The following ADGRV1 variants were observed in gnomAD, a reference collection of about 807,000 sequenced individuals.
The protein encoded by ADGRV1 is adhesion G protein-coupled receptor V1.
Under a neutral mutation model 596.2 loss-of-function variants are expected in ADGRV1, and 359 were observed. The observed-to-expected ratio is 0.60, with a 90% CI of 0.55 to 0.66. ADGRV1 has a LOEUF of 0.66. Ranked by LOEUF, ADGRV1 falls within the 30% of genes least tolerant of loss-of-function variation. The probability of loss-of-function intolerance (pLI) is 0.00; values close to 1 mark genes in which losing one functional copy is unlikely to be tolerated. For missense variants in ADGRV1, 7,274 were observed against 7,575.6 expected (o/e 0.96, Z 1.48); for synonymous variants, 2,681 against 2,679.2 (o/e 1.00, Z -0.02).
At chr5:91,029,123 T>C (rs972851403) in intron 85 of ADGRV1, among the ~76,000 whole-genome samples, 4 of 152,212 alleles carry the variant, frequency 2.6e-5, no homozygotes, top group African/African-American at 7.2e-5. Context: ...CTTCATATTA[T>C]GAAAGTTGGT....
chr5:90,947,477 A>AT (rs755599909), intron 83 of ADGRV1, among the ~76,000 whole-genome samples: 33 of 152,008 alleles, frequency 2.2e-4, no homozygotes, highest in South Asian at 4.1e-4. Context: ...TTTTGTTCTA[A>AT]TTTTTTTATG....
chr5:90,671,003 A>G (rs901306048), intron 21 of ADGRV1, among the ~76,000 whole-genome samples: 2 of 152,230 alleles, frequency 1.3e-5, no homozygotes, highest in Non-Finnish European at 2.9e-5. Flanking sequence ...ACGTAGTGAT[A>G]GGACTGATTC....
intron 85 of ADGRV1, among the ~76,000 whole-genome samples, chr5:91,016,913 G>A (rs1254327190): frequency 2.0e-5 from 3 of 151,892 alleles, no homozygotes; most frequent in Non-Finnish European, 4.4e-5. Context: ...AGGGAACAGA[G>A]AAACAGAGAA....
chr5:90,573,043 G>A (rs1561309308), intron 1 of ADGRV1, among the ~76,000 whole-genome samples: 1 of 152,154 alleles, frequency 6.6e-6, no homozygotes, highest in Non-Finnish European at 1.5e-5. Flanking sequence ...ATCTCTCCGT[G>A]TATAGATCTA....
At chr5:90,566,413 T>G (rs1305380131) in intron 1 of ADGRV1, among the ~76,000 whole-genome samples, 1 of 152,110 alleles carries the variant, frequency 6.6e-6, no homozygotes, top group Non-Finnish European at 1.5e-5. Flanking sequence ...AAATCATTCT[T>G]TTTTCATTGA....
In ADGRV1 at chr5:90,726,347, C is replaced by T. The variant is rs1234922830; in HGVS notation, c.10161+691C>T. 2.0e-5 allele frequency among the ~76,000 whole-genome samples: 3 copies of T among 152,160 alleles called. No homozygotes were observed. In the East Asian group the frequency reaches 5.8e-4, roughly 29 times the overall value. On this transcript the variant is annotated intron_variant, in intron 48 of 89. Coordinates refer to ENST00000405460, the MANE Select transcript of ADGRV1 (RefSeq NM_032119.4). ...TCTCTATTTGGTTACTACAATCAGC[C>T]TAAATGTTCTAGCTTCACCCAGCTT...
intron 71 of ADGRV1, 146 bp downstream of exon 71, chr5:90,803,028 C>A: frequency 3.7e-6 from 2 of 540,556 alleles, no homozygotes; most frequent in Admixed American, 3.8e-5. Flanking sequence ...GTAGATGTAA[C>A]AGATATATTA....
At chr5:90,917,665 C>T (rs1420429287) in intron 83 of ADGRV1, among the ~76,000 whole-genome samples, 1 of 152,104 alleles carries the variant, frequency 6.6e-6, no homozygotes, top group Non-Finnish European at 1.5e-5. Flanking sequence ...AACTTCTTTC[C>T]TTAAAAGAAT....
At chr5:90,997,460 C>A (rs545807682) in intron 85 of ADGRV1, among the ~76,000 whole-genome samples, 9 of 152,236 alleles carry the variant, frequency 5.9e-5, no homozygotes, top group Non-Finnish European at 1.0e-4. Flanking sequence ...GAGGCCTCCC[C>A]AGCCATGTTT....
At chr5:90,690,480 A>G (rs1213750693) in intron 30 of ADGRV1, among the ~76,000 whole-genome samples, 1 of 152,206 alleles carries the variant, frequency 6.6e-6, no homozygotes, top group Non-Finnish European at 1.5e-5. Flanking sequence ...CATGGGAACC[A>G]AATAGCAACT....
chr5:90,791,095 G>A lies in ADGRV1; in HGVS notation c.14266G>A (p.Ala4756Thr). 6.2e-7 allele frequency: 1 copy of A among 1,613,958 alleles called. No homozygotes were observed. The change falls in exon 70 of 90, where the codon GCA (alanine) becomes ACA (threonine). Residue 4756 changes from alanine (A) to threonine (T), a missense_variant. Ala to Thr is a moderately conservative substitution (Grantham distance 58). Coordinates refer to ENST00000405460, the MANE Select transcript of ADGRV1 (RefSeq NM_032119.4). ...EKSITWFSVY[A>T]NDDPHGVFAL... ...GAGTATCACATGGTTCTCTGTTTAT[G>A]CAAATGATGACCCACATGGAGTATT...
chr5:90,890,611 A>G (rs1281094041), intron 83 of ADGRV1, among the ~76,000 whole-genome samples: 2 of 152,136 alleles, frequency 1.3e-5, no homozygotes, highest in African/African-American at 4.8e-5. Flanking sequence ...AAGAAACACT[A>G]TACAAGTGTT....
chr5:91,099,841 A>G (rs1265576869), intron 86 of ADGRV1, among the ~76,000 whole-genome samples: 2 of 152,140 alleles, frequency 1.3e-5, no homozygotes, highest in Non-Finnish European at 2.9e-5. Context: ...ATATATAGAG[A>G]TAGATAGAGT....
At position 90,627,307 on chromosome 5, in the gene ADGRV1, A is replaced by C. The variant is rs1348623760; in HGVS notation, c.769A>C (p.Lys257Gln). The change falls in exon 7 of 90, where the codon AAG becomes CAG. Residue 257 changes from lysine (K) to glutamine (Q), a missense_variant. Around this residue, in one of 5 missense-constraint regions of ADGRV1, gnomAD observed 1,715 missense variants for 1,708.8 expected, o/e 1.00. Coordinates refer to ENST00000405460, the MANE Select transcript of ADGRV1 (RefSeq NM_032119.4). ...TSRNSIEIIIKKNDSPVRFLQ... is the reference protein window; with the variant it reads ...TSRNSIEIIIQKNDSPVRFLQ... ...TAGGAATTCCATTGAGATCATCATT[A>C]AGAAAAATGATAGTCCCGTGAGATT... is the stretch of plus-strand genomic sequence containing the variant. 1 of 1,611,760 alleles carries C rather than the reference A, an allele frequency of 6.2e-7. No homozygotes were observed. Among genetic ancestry groups the C allele is most frequent in the East Asian group, 2.2e-5 (1 of 44,850 alleles).
chr5:90,800,058 G>A lies in ADGRV1; in HGVS notation c.14518-2681G>A, dbSNP rs190246481. On this transcript the variant is annotated intron_variant, in intron 70 of 89. Transcript: ENST00000405460. ...CTGAAACACCAAAAGCAATGGCAAC[G>A]GAAGCCAAAATTGACCAATGGGATC... Among the ~76,000 whole-genome samples the A allele has an allele frequency of 9.9e-5, 15 of 152,116 alleles. No homozygotes were observed. In the East Asian group the frequency reaches 1.5e-3, roughly 16 times the overall value.
At chr5:90,788,965 CAAGTCCA>C (rs934540772) in intron 68 of ADGRV1, among the ~76,000 whole-genome samples, 5 of 151,828 alleles carry the variant, frequency 3.3e-5, no homozygotes, top group African/African-American at 4.8e-5. Flanking sequence ...TGAGGGCTGG[CAAGTCCA>C]AAATCCATGA....
chr5:91,068,545 CA>C (rs35324720), intron 85 of ADGRV1, among the ~76,000 whole-genome samples: 90 of 144,588 alleles, frequency 6.2e-4, no homozygotes, highest in African/African-American at 1.5e-3. Flanking sequence ...GAGGCACTCA[CA>C]AAAAAAAAAT....
chr5:90,817,326 T>C (rs1240481285), intron 75 of ADGRV1, among the ~76,000 whole-genome samples: 2 of 151,654 alleles, frequency 1.3e-5, no homozygotes, highest in Non-Finnish European at 2.9e-5. Flanking sequence ...CTTTGTCAGA[T>C]GAGTAGGTTG....
intron 29 of ADGRV1, 128 bp downstream of exon 29, chr5:90,686,123 T>C: frequency 2.5e-6 from 1 of 408,132 alleles, no homozygotes; most frequent in Non-Finnish European, 3.9e-6. Context: ...GAAATACTCT[T>C]GTATCTTTTT....
Sources: gnomAD v4.1 joint callset for allele counts (sites outside exome capture counted in the v4.1 genomes callset) on GRCh38, gnomAD v4.1.1 for gene constraint, gnomAD v4.1.1 regional missense constraint, MANE v1.5 for transcripts, NCBI Gene and HGNC (gene_info 2026-07-23, HGNC 2026-07-21) for gene names.